The following QRICH1 variants were observed in gnomAD, a reference collection of about 807,000 sequenced individuals.
QRICH1 encodes the protein glutamine rich 1.
QRICH1 carries 16 observed loss-of-function variants against 87.1 expected under a neutral mutation model. The observed-to-expected ratio is 0.18, with a 90% CI of 0.12 to 0.28. QRICH1 has a LOEUF of 0.28. Ranked by LOEUF, QRICH1 falls within the 10% of genes least tolerant of loss-of-function variation. QRICH1 has a pLI of 1.00. For missense variants in QRICH1, 647 were observed against 951.7 expected (o/e 0.68, Z 4.21); for synonymous variants, 367 against 368.4 (o/e 1.00, Z 0.05).
chr3:49,089,066 CT>C (rs995342605), intron 1 of QRICH1, among the ~76,000 whole-genome samples: 434 of 142,786 alleles, frequency 3.0e-3, no homozygotes, highest in Admixed American at 2.8e-3. Flanking sequence ...TTTTTCTTTT[CT>C]TTTTTTTTTT....
rs767585958 is a variant in QRICH1, at chr3:49,076,743, T to C, written c.275A>G (p.Gln92Arg). The C allele has an allele frequency of 3.1e-6, 5 of 1,595,710 alleles. No homozygotes were observed. In the African/African-American group the frequency reaches 6.7e-5, roughly 21 times the overall value. Residue 92 changes from glutamine (Q) to arginine (R), a missense_variant, in exon 2 of 10, where the codon CAG becomes CGG. Around this residue, in one of 7 missense-constraint regions of QRICH1, gnomAD observed 56 missense variants for 109.6 expected, o/e 0.51. Transcript: ENST00000395443. ...CTGCGGCTGCTGAACCTGGATCTGC[T>C]GTTCTTGCTGGGTTTGTGGCTGAAC... is the stretch of plus-strand genomic sequence containing the variant. ...TSVQPQTQQE[Q>R]QIQVQQPQQV...
At chr3:49,071,228 C>T (rs528256264) in intron 2 of QRICH1, among the ~76,000 whole-genome samples, 8 of 152,162 alleles carry the variant, frequency 5.3e-5, no homozygotes, top group African/African-American at 1.9e-4. Context: ...CCAGGCCTGG[C>T]TAATTTTTTG....
chr3:49,044,196 C>T (rs1272718765), intron 6 of QRICH1, among the ~76,000 whole-genome samples, 194 bp downstream of exon 6: 1 of 152,216 alleles, frequency 6.6e-6, no homozygotes, highest in Non-Finnish European at 1.5e-5. Flanking sequence ...GTCCTTCCCA[C>T]ACTGGAACCA....
chr3:49,071,806 C>T (rs574870285), intron 2 of QRICH1, among the ~76,000 whole-genome samples: 8 of 152,316 alleles, frequency 5.3e-5, no homozygotes, highest in African/African-American at 1.9e-4. Context: ...GATCCTCCCA[C>T]TTCAGCCTCC....
At chr3:49,047,046 C>T in intron 4 of QRICH1, 23 bp downstream of exon 4, 2 of 1,597,544 alleles carry the variant, frequency 1.3e-6, no homozygotes, top group Non-Finnish European at 1.7e-6. Context: ...AGACACAGCC[C>T]ACTCTTCTTC....
chr3:49,048,789 A>C lies in QRICH1; in HGVS notation c.1339-1543T>G, dbSNP rs530305421. 8.6e-5 allele frequency among the ~76,000 whole-genome samples: 12 copies of C among 138,880 alleles called. No individual in the cohort carries two copies. The South Asian group carries it at 2.9e-3, about 33-fold the overall frequency. 91.1% of individuals were successfully genotyped at this position (138,880 alleles called of 152,430 possible). ...GGTAACAGAGTGAGACTCTGTTCAC[A>C]AAAAAAAAAACCAAAAAAAAAAAAA... is the stretch of plus-strand genomic sequence containing the variant. On this transcript the variant is annotated intron_variant, in intron 3 of 9. Coordinates refer to ENST00000395443, the MANE Select transcript of QRICH1 (RefSeq NM_198880.3).
At chr3:49,080,432 A>G (rs1178812175) in intron 1 of QRICH1, among the ~76,000 whole-genome samples, 1 of 152,172 alleles carries the variant, frequency 6.6e-6, no homozygotes, top group Admixed American at 6.6e-5. Flanking sequence ...ACCAATACAA[A>G]GAAACACTGC....
At chr3:49,045,356 G>A (rs961535157) in intron 5 of QRICH1, among the ~76,000 whole-genome samples, 1 of 143,338 alleles carries the variant, frequency 7.0e-6, no homozygotes, top group Non-Finnish European at 1.5e-5. Flanking sequence ...AAAAGTCAAG[G>A]TAATTACCAA....
chr3:49,086,157 T>A (rs2042162824), intron 1 of QRICH1, among the ~76,000 whole-genome samples: 1 of 151,176 alleles, frequency 6.6e-6, no homozygotes, highest in East Asian at 1.9e-4. Context: ...TAAGTAACAA[T>A]AAAGGAAAGC....
intron 1 of QRICH1, among the ~76,000 whole-genome samples, chr3:49,085,477 G>C (rs960076391): frequency 3.9e-5 from 6 of 152,050 alleles, no homozygotes; most frequent in African/African-American, 1.4e-4. Context: ...TAAACCTGCC[G>C]AACGAGGTGG....
At chr3:49,041,309 T>C (rs1231538191) in intron 6 of QRICH1, among the ~76,000 whole-genome samples, 2 of 151,192 alleles carry the variant, frequency 1.3e-5, no homozygotes, top group Non-Finnish European at 2.9e-5. Flanking sequence ...ATGCATTTTC[T>C]TTGGTGAGGT....
At chr3:49,045,326 C>CAAAAAAAAAAAAAAAA (rs150401256) in intron 5 of QRICH1, among the ~76,000 whole-genome samples, 1 of 101,834 alleles carries the variant, frequency 9.8e-6, no homozygotes, top group African/African-American at 4.0e-5. Flanking sequence ...TTGTGAATTA[C>CAAAAAAAAAAAAAAAA]AAAAAAAAAA....
chr3:49,092,107 C>T lies in QRICH1; in HGVS notation c.-22+1805G>A, dbSNP rs74283330. ...AAAAAGTCAAAATTTTAAGTGTATC[C>T]TAGAAAAACTTTACAGCTTTTCTTT... On this transcript the variant is annotated intron_variant, in intron 1 of 9. Coordinates refer to ENST00000395443, the MANE Select transcript of QRICH1 (RefSeq NM_198880.3). 2.6e-5 allele frequency among the ~76,000 whole-genome samples: 4 copies of T among 152,022 alleles called. No homozygotes were observed. In the East Asian group the frequency reaches 7.7e-4, roughly 29 times the overall value.
At chr3:49,069,503 A>C (rs1385971251) in intron 2 of QRICH1, among the ~76,000 whole-genome samples, 1 of 149,098 alleles carries the variant, frequency 6.7e-6, no homozygotes, top group Non-Finnish European at 1.5e-5. Context: ...CACAAAGAGC[A>C]CTCTAAAAGG....
intron 6 of QRICH1, among the ~76,000 whole-genome samples, chr3:49,036,510 C>T (rs185783378): frequency 6.6e-6 from 1 of 152,198 alleles, no homozygotes; most frequent in Non-Finnish European, 1.5e-5. Context: ...TTCTAATGGC[C>T]AATGATGGGA....
At chr3:49,088,619 T>C (rs149894381) in intron 1 of QRICH1, among the ~76,000 whole-genome samples, 4 of 124,526 alleles carry the variant, frequency 3.2e-5, no homozygotes, top group African/African-American at 1.2e-4. Flanking sequence ...CTTTTGTCTG[T>C]TTTTTTTTTT....
intron 1 of QRICH1, among the ~76,000 whole-genome samples, chr3:49,082,564 C>T (rs1258826507): frequency 5.9e-5 from 9 of 151,954 alleles, no homozygotes; most frequent in Non-Finnish European, 8.8e-5. Context: ...TTGCTATAAA[C>T]CATCAAAATC....
In QRICH1 at chr3:49,045,916, CTTTTT is replaced by C. The variant is rs920814553; in HGVS notation, c.1671+504_1671+508del. Among the ~76,000 whole-genome samples, 4 of 145,712 alleles carry C rather than the reference CTTTTT, an allele frequency of 2.7e-5. No individual in the cohort carries two copies. In the South Asian group the frequency reaches 6.6e-4, roughly 24 times the overall value. ...GCTCTTATTTTTTTTCTTTTCTTTT[CTTTTT>C]TTTTTAATTTTTGAGACAGAGTCTC... On this transcript the variant is annotated intron_variant, in intron 5 of 9. Transcript: ENST00000395443.
At chr3:49,076,156 T>G (rs945452946) in intron 2 of QRICH1, among the ~76,000 whole-genome samples, 2 of 151,980 alleles carry the variant, frequency 1.3e-5, no homozygotes, top group African/African-American at 4.8e-5. Context: ...GGCAGGAGAA[T>G]CCATCCTGGA....
Sources: gnomAD v4.1 joint callset for allele counts (sites outside exome capture counted in the v4.1 genomes callset) on GRCh38, gnomAD v4.1.1 for gene constraint, gnomAD v4.1.1 regional missense constraint, MANE v1.5 for transcripts, NCBI Gene and HGNC (gene_info 2026-07-23, HGNC 2026-07-21) for gene names.